The following STXBP5 variants were observed in gnomAD, a reference collection of about 807,000 sequenced individuals.
STXBP5 encodes syntaxin binding protein 5.
Under a neutral mutation model 152.4 loss-of-function variants are expected in STXBP5, and 50 were observed. The observed-to-expected ratio is 0.33, with a 90% confidence interval of 0.26 to 0.42. The LOEUF (loss-of-function observed/expected upper bound fraction) is 0.42. Among genes scored for constraint, STXBP5 ranks in the 10% least tolerant of loss-of-function variants. STXBP5 has a pLI of 1.00. For missense variants in STXBP5, 1,167 were observed against 1,388.6 expected (o/e 0.84, Z 2.54); for synonymous variants, 492 against 494.7 (o/e 0.99, Z 0.07).
intron 16 of STXBP5, among the ~76,000 whole-genome samples, chr6:147,318,299 G>T (rs576450689): frequency 1.3e-5 from 2 of 152,166 alleles, no homozygotes; most frequent in Non-Finnish European, 2.9e-5. Flanking sequence ...TTAAAGGCCA[G>T]CCTGATAGGT....
chr6:147,311,740 G>T (rs904121167), intron 11 of STXBP5, among the ~76,000 whole-genome samples: 1 of 151,938 alleles, frequency 6.6e-6, no homozygotes, highest in Non-Finnish European at 1.5e-5. Context: ...GTAAAAATTT[G>T]TTGTAGTTCT....
Position 147,384,823 on chromosome 6 carries a change from T to C in STXBP5, c.*68T>C, listed in dbSNP as rs1786264920. 3 of 1,490,518 alleles carry C rather than the reference T, an allele frequency of 2.0e-6. No individual in the cohort carries two copies. Among genetic ancestry groups the C allele is most frequent in the Non-Finnish European group, 2.8e-6 (3 of 1,077,916 alleles). The allele number at this position is 1,490,518 out of a possible 1,614,324, so 92.3% of individuals were successfully genotyped here. On this transcript the variant is annotated 3_prime_UTR_variant, in exon 28 of 28. Transcript: ENST00000321680. ...AGTTTTCCATTTTTATTACATTCTT[T>C]AGGAAAGTTAACGTTAAAGGGATGT... is the stretch of plus-strand genomic sequence containing the variant.
In STXBP5 at chr6:147,360,485, T is replaced by A. The variant is rs1785014243; in HGVS notation, c.2545+1162T>A. On this transcript the variant is annotated intron_variant, in intron 23 of 27. Transcript: ENST00000321680. ...TACAGCCATTCAATTTTGCCATTTT[T>A]TTTTAAACTTTGGGATCTTGTGTAA... 3.9e-5 allele frequency among the ~76,000 whole-genome samples: 6 copies of A among 152,212 alleles called. No homozygotes were observed. In the South Asian group the frequency reaches 1.2e-3, roughly 31 times the overall value.
Position 147,352,736 on chromosome 6 carries a change from A to T in STXBP5, c.2255-587A>T, listed in dbSNP as rs1014929039. Among the ~76,000 whole-genome samples, 5 of 152,222 alleles carry T rather than the reference A, an allele frequency of 3.3e-5. No homozygotes were observed. The South Asian group carries it at 8.3e-4, about 25-fold the overall frequency. ...TATCTGCAACACCTTTCTTCTGAGA[A>T]GTTACTGTTTCTCACTCAGAAAAGC... On this transcript the variant is annotated intron_variant, in intron 21 of 27. Coordinates refer to ENST00000321680, the MANE Select transcript of STXBP5 (RefSeq NM_001127715.4).
chr6:147,259,223 GTTC>G (rs1192656470), intron 4 of STXBP5, among the ~76,000 whole-genome samples: 4 of 151,992 alleles, frequency 2.6e-5, no homozygotes, highest in Non-Finnish European at 5.9e-5. Flanking sequence ...TAAATATTTT[GTTC>G]TTCTCACTTC....
At chr6:147,366,352 G>A (rs1297383577) in intron 25 of STXBP5, among the ~76,000 whole-genome samples, 3 of 152,218 alleles carry the variant, frequency 2.0e-5, no homozygotes, top group African/African-American at 4.8e-5. Context: ...CATAATTTGT[G>A]TGGATATTAG....
At chr6:147,312,595 G>A (rs369315290) in intron 11 of STXBP5, among the ~76,000 whole-genome samples, 8 of 152,054 alleles carry the variant, frequency 5.3e-5, no homozygotes, top group South Asian at 2.1e-4. Flanking sequence ...AACATCCACA[G>A]TGCATAGGAC....
chr6:147,282,356 A>G (rs978983513), intron 8 of STXBP5, among the ~76,000 whole-genome samples: 18 of 152,236 alleles, frequency 1.2e-4, no homozygotes, highest in African/African-American at 1.7e-4. Context: ...GGTCCCTTTA[A>G]TCTCACTTTT....
intron 4 of STXBP5, among the ~76,000 whole-genome samples, chr6:147,247,453 T>C (rs549591476): frequency 6.6e-6 from 1 of 152,342 alleles, no homozygotes; most frequent in African/African-American, 2.4e-5. Flanking sequence ...ATGAGTCATC[T>C]TGGAAATTGT....
In STXBP5 at chr6:147,302,682, G is replaced by T. The variant is rs139503138; in HGVS notation, c.918-7402G>T. On this transcript the variant is annotated intron_variant, in intron 9 of 27. Coordinates refer to ENST00000321680, the MANE Select transcript of STXBP5 (RefSeq NM_001127715.4). ...ATGGAGAAATTAGCCAGGCATGGTG[G>T]CATGTACCTGTAATCCCAGCTACTC... is the stretch of plus-strand genomic sequence containing the variant. Among the ~76,000 whole-genome samples the T allele has an allele frequency of 3.9e-3, 586 of 152,172 alleles. 9 individuals carry two copies. The highest frequency in any genetic ancestry group is 0.013 in the African/African-American group (559 of 41,532).
In STXBP5 at chr6:147,334,029, G is replaced by T. The variant is rs1213927184; in HGVS notation, c.2081-128G>T. ...CTCAAACCCAATGTGCATGGTATCA[G>T]TACCACAGTCTGTTAATTTATTGGG... On this transcript the variant is annotated intron_variant, in intron 18 of 27. Transcript: ENST00000321680. 4.9e-6 allele frequency: 4 copies of T among 821,260 alleles called. No homozygotes were observed. In the African/African-American group the frequency reaches 6.9e-5, roughly 14 times the overall value. 50.9% of individuals were successfully genotyped at this position (821,260 alleles called of 1,614,324 possible). A position where few individuals can be genotyped will look rare whatever the true frequency, so the allele number is the denominator to read the frequency against.
intron 4 of STXBP5, among the ~76,000 whole-genome samples, chr6:147,257,879 T>C (rs566360092): frequency 6.6e-6 from 1 of 152,264 alleles, no homozygotes; most frequent in South Asian, 2.1e-4. Context: ...GCAACCTGGG[T>C]CGGCTCAGCA....
chr6:147,366,983 G>A (rs1473754335), intron 25 of STXBP5, among the ~76,000 whole-genome samples: 1 of 152,178 alleles, frequency 6.6e-6, no homozygotes, highest in Non-Finnish European at 1.5e-5. Flanking sequence ...AAAAACATGA[G>A]CCATCATGAG....
chr6:147,251,296 T>TCAGGAG (rs1248258811), intron 4 of STXBP5, among the ~76,000 whole-genome samples: 1 of 150,490 alleles, frequency 6.6e-6, no homozygotes, highest in Non-Finnish European at 1.5e-5. Context: ...AACCCACAGA[T>TCAGGAG]CAGGAGATTC....
chr6:147,346,971 C>T (rs1273208685), intron 21 of STXBP5, among the ~76,000 whole-genome samples: 1 of 152,110 alleles, frequency 6.6e-6, no homozygotes, highest in Non-Finnish European at 1.5e-5. Flanking sequence ...AGCACGTTCC[C>T]GTTGCAGCAC....
chr6:147,249,853 C>A (rs1778999322), intron 4 of STXBP5, among the ~76,000 whole-genome samples: 1 of 152,108 alleles, frequency 6.6e-6, no homozygotes, highest in African/African-American at 2.4e-5. Flanking sequence ...TAACAGTGTA[C>A]CCCACAGATC....
intron 17 of STXBP5, among the ~76,000 whole-genome samples, chr6:147,326,458 G>A (rs1421369257): frequency 1.3e-5 from 2 of 152,124 alleles, no homozygotes; most frequent in Admixed American, 1.3e-4. Context: ...AGCTTCATCT[G>A]GAACTGAGTT....
chr6:147,221,409 A>G (rs1454214327), intron 2 of STXBP5, among the ~76,000 whole-genome samples: 2 of 151,948 alleles, frequency 1.3e-5, no homozygotes, highest in Non-Finnish European at 2.9e-5. Context: ...TTTCTGATCT[A>G]TGTCATTTTC....
At chr6:147,384,684 A>C in intron 27 of STXBP5, 30 bp from the exon 28 acceptor site, 1 of 1,598,136 alleles carries the variant, frequency 6.3e-7, no homozygotes, top group South Asian at 1.1e-5. Flanking sequence ...GCATTTTAAA[A>C]GCATGTTTTT....
Sources: allele counts gnomAD v4.1 joint callset (sites outside exome capture counted in the v4.1 genomes callset), GRCh38; gene constraint gnomAD v4.1.1; transcripts MANE v1.5; gene names NCBI Gene and HGNC (gene_info 2026-07-23, HGNC 2026-07-21).